Variants in KCNN2 observed in about 807,000 individuals in gnomAD.
KCNN2 encodes small conductance calcium-activated potassium channel protein 2.
In KCNN2, 24 loss-of-function variants were observed where a neutral mutation model predicts 55.5. The observed-to-expected ratio is 0.43, with a 90% CI of 0.31 to 0.61. KCNN2 has a LOEUF of 0.61. Ranked by LOEUF, KCNN2 falls within the 20% of genes least tolerant of loss-of-function variation. The pLI is 0.08. For synonymous variants in KCNN2, 431 were observed against 336.1 expected (o/e 1.28, Z -3.09); for missense variants, 754 against 853.6 (o/e 0.88, Z 1.45).
At chr5:114,081,767 T>C (rs532639976) in intron 1 of KCNN2, among the ~76,000 whole-genome samples, 1 of 152,084 alleles carries the variant, frequency 6.6e-6, no homozygotes, top group Admixed American at 6.6e-5. Context: ...AGTAAACAAA[T>C]CAGATTTCAT....
At chr5:114,361,581 G>A (rs1206320466), upstream of KCNN2, among the ~76,000 whole-genome samples, 3 of 152,196 alleles carry the variant, frequency 2.0e-5, no homozygotes. Flanking sequence ...GGGGGCTGCT[G>A]TTTTGCAGCC....
intron 2 of KCNN2, among the ~76,000 whole-genome samples, chr5:114,386,296 C>T (rs1758284053): frequency 6.6e-6 from 1 of 151,686 alleles, no homozygotes; most frequent in Admixed American, 6.6e-5. Context: ...TGGATTTACA[C>T]AGATTTTTCT....
At chr5:114,247,202 C>CAAAAAAAAAAAAAA (rs370172975) in intron 2 of KCNN2, among the ~76,000 whole-genome samples, 71 of 68,002 alleles carry the variant, frequency 1.0e-3, no homozygotes, top group Non-Finnish European at 1.4e-3. Flanking sequence ...CATATGTCTC[C>CAAAAAAAAAAAAAA]AAAAAAAAAA....
chr5:114,320,762 C>G (rs1371915077), intron 2 of KCNN2, among the ~76,000 whole-genome samples: 2 of 152,146 alleles, frequency 1.3e-5, no homozygotes, highest in African/African-American at 2.4e-5. Flanking sequence ...TCCATTCATT[C>G]CAGAGAAAGC....
chr5:114,095,563 G>A (rs1020773784), intron 1 of KCNN2, among the ~76,000 whole-genome samples: 20 of 152,176 alleles, frequency 1.3e-4, no homozygotes, highest in African/African-American at 4.6e-4. Flanking sequence ...GTTGCCTGGA[G>A]TCACAGAGCA....
rs563033833 is a variant in KCNN2, at chr5:114,338,622, G to A, written c.-184-22323G>A. Among the ~76,000 whole-genome samples, 130 of 152,300 alleles carry A rather than the reference G, an allele frequency of 8.5e-4. 1 individual carries two copies. The highest frequency in any genetic ancestry group is 1.9e-3 in the Admixed American group (29 of 15,298). On this transcript the variant is annotated intron_variant, in intron 2 of 10. Coordinates refer to the KCNN2 transcript ENST00000512097. ...CTATTATTCTACATCACCATATGGG[G>A]AGGTTAGATACCAGAATCAGCCCAC...
intron 2 of KCNN2, among the ~76,000 whole-genome samples, chr5:114,353,140 T>C (rs1351135547): frequency 2.0e-5 from 3 of 151,904 alleles, no homozygotes; most frequent in East Asian, 3.8e-4. Flanking sequence ...TAAAATTGTC[T>C]TCTTTGTCTC....
chr5:114,369,498 C>T (rs1040227717), intron 2 of KCNN2, among the ~76,000 whole-genome samples: 4 of 152,158 alleles, frequency 2.6e-5, no homozygotes, highest in Admixed American at 6.5e-5. Context: ...GTTTCATGTA[C>T]CTATGAGGTG....
chr5:114,399,914 G>A (rs184408191), intron 2 of KCNN2, among the ~76,000 whole-genome samples: 2 of 145,276 alleles, frequency 1.4e-5, no homozygotes, highest in African/African-American at 5.2e-5. Flanking sequence ...AGTAGCCTTT[G>A]AGGGTTTTTT....
intron 2 of KCNN2, among the ~76,000 whole-genome samples, chr5:114,347,252 CAA>C (rs1161199577): frequency 1.3e-5 from 2 of 152,148 alleles, no homozygotes; most frequent in African/African-American, 4.8e-5. Flanking sequence ...TGCATAGTCT[CAA>C]AGAATCTTAT....
At chr5:114,487,535 A>G (rs556702431) in intron 6 of KCNN2, among the ~76,000 whole-genome samples, 79 of 152,290 alleles carry the variant, frequency 5.2e-4, no homozygotes, top group African/African-American at 1.4e-3. Context: ...TATTTATATG[A>G]AAGTAGTGCA....
chr5:114,067,555 T>C (rs1750477460), intron 1 of KCNN2, among the ~76,000 whole-genome samples: 1 of 152,240 alleles, frequency 6.6e-6, no homozygotes, highest in Admixed American at 6.5e-5. Flanking sequence ...AAATTTGGTA[T>C]TTTTATTCCT....
intron 2 of KCNN2, among the ~76,000 whole-genome samples, chr5:114,368,756 A>G (rs539842329): frequency 2.6e-5 from 4 of 152,300 alleles, no homozygotes; most frequent in East Asian, 1.9e-4. Flanking sequence ...TTTAAGTTTT[A>G]TATATATACC....
At chr5:114,098,993 A>T (rs1751319757) in intron 1 of KCNN2, among the ~76,000 whole-genome samples, 1 of 152,194 alleles carries the variant, frequency 6.6e-6, no homozygotes, top group Non-Finnish European at 1.5e-5. Flanking sequence ...TAAAATTTGT[A>T]TAACACAAAA....
At chr5:114,361,081 C>T (rs952438196), upstream of KCNN2, 1 of 152,408 alleles carries the variant, frequency 6.6e-6, no homozygotes, top group African/African-American at 2.4e-5. Flanking sequence ...TGCCGGAGGG[C>T]CTGAGCGCCA....
intron 3 of KCNN2, among the ~76,000 whole-genome samples, chr5:114,447,375 T>C (rs1463174768): frequency 6.6e-6 from 1 of 152,240 alleles, no homozygotes; most frequent in East Asian, 1.9e-4. Context: ...AGTTTGACTG[T>C]CATCAGCCTA....
At chr5:114,068,241 G>T (rs775007501) in intron 1 of KCNN2, among the ~76,000 whole-genome samples, 2 of 152,116 alleles carry the variant, frequency 1.3e-5, no homozygotes, top group Non-Finnish European at 2.9e-5. Context: ...ATAGTCCTTG[G>T]AACATAATTA....
At chr5:114,387,690 C>T (rs1244737554) in intron 2 of KCNN2, among the ~76,000 whole-genome samples, 1 of 152,144 alleles carries the variant, frequency 6.6e-6, no homozygotes, top group Non-Finnish European at 1.5e-5. Context: ...TTGGTTTCAG[C>T]TCCAATAGAG....
intron 2 of KCNN2, among the ~76,000 whole-genome samples, chr5:114,231,999 A>G (rs1014430060): frequency 1.3e-4 from 20 of 151,158 alleles, no homozygotes; most frequent in African/African-American, 4.9e-4. Context: ...AATTCATTTT[A>G]AAAATATACT....
Sources: gnomAD v4.1 joint callset for allele counts (sites outside exome capture counted in the v4.1 genomes callset) on GRCh38, gnomAD v4.1.1 for gene constraint, MANE v1.5 for transcripts, NCBI Gene and HGNC (gene_info 2026-07-23, HGNC 2026-07-21) for gene names.